RBFOX1: variants seen among roughly 807,000 people sequenced by gnomAD.
RBFOX1 encodes RNA binding fox-1 homolog 1, also known as RNA binding protein fox-1 homolog 1.
RBFOX1 carries 8 observed loss-of-function variants against 57.7 expected under a neutral mutation model. The ratio of observed to expected loss-of-function variants is 0.14; its 90% CI spans 0.08 to 0.25. The LOEUF (loss-of-function observed/expected upper bound fraction) is 0.25. Among genes scored for constraint, RBFOX1 ranks in the 10% least tolerant of loss-of-function variants. RBFOX1 has a pLI of 1.00. For missense variants in RBFOX1, 611 were observed against 548.5 expected (o/e 1.11, Z -1.14); for synonymous variants, 326 against 222.4 (o/e 1.47, Z -4.15).
intron 3 of RBFOX1, among the ~76,000 whole-genome samples, chr16:5,771,733 G>T (rs1255580328): frequency 6.6e-6 from 1 of 152,276 alleles, no homozygotes; most frequent in South Asian, 2.1e-4. Flanking sequence ...TTGGTATCAG[G>T]CATGTGAAAA....
intron 3 of RBFOX1, among the ~76,000 whole-genome samples, chr16:6,829,157 G>T (rs1427147281): frequency 6.6e-6 from 1 of 151,772 alleles, no homozygotes; most frequent in Non-Finnish European, 1.5e-5. Flanking sequence ...GAAGGTGGGT[G>T]TAGAAGTTTC....
intron 3 of RBFOX1, among the ~76,000 whole-genome samples, chr16:5,630,318 A>C (rs1037644978): frequency 6.6e-6 from 1 of 152,088 alleles, no homozygotes; most frequent in African/African-American, 2.4e-5. Flanking sequence ...TTAGCCAGGC[A>C]TTGTGGCACA....
At chr16:5,512,208 T>TGA (rs375898393) in intron 2 of RBFOX1, among the ~76,000 whole-genome samples, 12 of 152,248 alleles carry the variant, frequency 7.9e-5, no homozygotes, top group African/African-American at 2.9e-4. Flanking sequence ...CACAGCTGGG[T>TGA]GAGAGGCACA....
chr16:5,418,559 G>T (rs2067222276), intron 1 of RBFOX1, among the ~76,000 whole-genome samples: 1 of 152,048 alleles, frequency 6.6e-6, no homozygotes, highest in Admixed American at 6.5e-5. Flanking sequence ...GAGGGTGTTT[G>T]GTCCTTGTCT....
intron 5 of RBFOX1, chr16:7,519,659 A>C: frequency 5.1e-6 from 5 of 984,162 alleles, no homozygotes; most frequent in Non-Finnish European, 6.0e-6. Context: ...TTTCTGCAGA[A>C]TTCTTTAGAA....
chr16:5,661,204 T>C (rs1395443296), intron 3 of RBFOX1, among the ~76,000 whole-genome samples: 1 of 152,196 alleles, frequency 6.6e-6, no homozygotes, highest in Non-Finnish European at 1.5e-5. Context: ...TCCCAACTTA[T>C]TTATTACAAA....
intron 4 of RBFOX1, among the ~76,000 whole-genome samples, chr16:7,346,112 A>G (rs940030371): frequency 6.6e-6 from 1 of 152,154 alleles, no homozygotes; most frequent in African/African-American, 2.4e-5. Context: ...TTTGCTGAGA[A>G]TGATGGTTTC....
intron 3 of RBFOX1, among the ~76,000 whole-genome samples, chr16:6,786,743 G>A (rs75599381): frequency 6.6e-6 from 1 of 152,052 alleles, no homozygotes; most frequent in East Asian, 1.9e-4. Flanking sequence ...TCCTTAAACA[G>A]TTGGAAATGA....
chr16:5,935,171 T>C (rs547706788), intron 4 of RBFOX1, among the ~76,000 whole-genome samples: 2 of 152,238 alleles, frequency 1.3e-5, no homozygotes, highest in Admixed American at 6.5e-5. Context: ...TTTATAATTT[T>C]TCCCACTACC....
At chr16:5,848,476 A>G (rs1328638330) in intron 3 of RBFOX1, among the ~76,000 whole-genome samples, 2 of 152,204 alleles carry the variant, frequency 1.3e-5, no homozygotes, top group East Asian at 3.9e-4. Flanking sequence ...AGGAACTGCT[A>G]AAACTCCATG....
chr16:6,275,172 A>T (rs1448209330), intron 1 of RBFOX1, among the ~76,000 whole-genome samples: 1 of 152,006 alleles, frequency 6.6e-6, no homozygotes, highest in Non-Finnish European at 1.5e-5. Flanking sequence ...ATAGCTGAGC[A>T]TGGTGGCGGG....
At chr16:5,528,262 G>C (rs555295832) in intron 2 of RBFOX1, among the ~76,000 whole-genome samples, 7 of 152,280 alleles carry the variant, frequency 4.6e-5, no homozygotes, top group African/African-American at 1.7e-4. Context: ...GTGCCTATCA[G>C]TTTTCCGTGG....
At chr16:5,339,188 C>T (rs566085507) in intron 1 of RBFOX1, among the ~76,000 whole-genome samples, 20 of 152,238 alleles carry the variant, frequency 1.3e-4, no homozygotes, top group South Asian at 2.1e-4. Flanking sequence ...CTCTGGTAAC[C>T]GCTGTCCTAC....
chr16:6,768,016 G>A (rs186141909), intron 3 of RBFOX1, among the ~76,000 whole-genome samples: 4 of 151,074 alleles, frequency 2.6e-5, no homozygotes, highest in African/African-American at 9.7e-5. Context: ...ACAAAACTGG[G>A]AGTACAGAAG....
chr16:6,120,491 G>C (rs1156866573), intron 1 of RBFOX1, among the ~76,000 whole-genome samples: 2 of 152,094 alleles, frequency 1.3e-5, no homozygotes, highest in Admixed American at 6.5e-5. Flanking sequence ...CCACCATCTT[G>C]CTTGTCATGG....
intron 1 of RBFOX1, among the ~76,000 whole-genome samples, chr16:6,063,120 C>T (rs548416596): frequency 2.0e-5 from 3 of 152,050 alleles, no homozygotes; most frequent in Non-Finnish European, 2.9e-5. Flanking sequence ...GAGCAAACAA[C>T]GGGACACCAC....
intron 1 of RBFOX1, among the ~76,000 whole-genome samples, chr16:5,323,407 G>A (rs561830091): frequency 6.6e-6 from 1 of 152,272 alleles, no homozygotes; most frequent in Admixed American, 6.5e-5. Flanking sequence ...CCCGCAGTTC[G>A]AAAAACTCTG....
chr16:6,766,960 G>A (rs906388548), intron 3 of RBFOX1, among the ~76,000 whole-genome samples: 11 of 152,040 alleles, frequency 7.2e-5, no homozygotes, highest in Non-Finnish European at 1.3e-4. Flanking sequence ...TTGGTAAGTC[G>A]GGGGAGGCTG....
At chr16:5,669,534 C>G (rs751928354) in intron 3 of RBFOX1, among the ~76,000 whole-genome samples, 7 of 150,918 alleles carry the variant, frequency 4.6e-5, no homozygotes, top group Non-Finnish European at 8.8e-5. Flanking sequence ...ATTCTCCTGC[C>G]TCAGCCTGCC....
Sources: gnomAD v4.1 joint callset for allele counts (sites outside exome capture counted in the v4.1 genomes callset) on GRCh38, gnomAD v4.1.1 for gene constraint, MANE v1.5 for transcripts, NCBI Gene and HGNC (gene_info 2026-07-23, HGNC 2026-07-21) for gene names.